The following HELZ2 variants were observed in gnomAD, a reference collection of about 807,000 sequenced individuals.
HELZ2 encodes the protein 3'-5' exoribonuclease HELZ2.
HELZ2 carries 143 observed loss-of-function variants against 208.8 expected under a neutral mutation model. That is an observed-to-expected ratio of 0.68 (90% CI 0.60 to 0.79). The LOEUF (loss-of-function observed/expected upper bound fraction) is 0.79. Among genes scored for constraint, HELZ2 ranks in the 30% least tolerant of loss-of-function variants. The pLI, the probability that HELZ2 is intolerant of heterozygous loss-of-function variation, is 0.00. For synonymous variants in HELZ2, 1,705 were observed against 1,693.7 expected, an observed-to-expected ratio of 1.01 and a Z score of -0.16; for missense variants, 3,690 against 3,794.5, an observed-to-expected ratio of 0.97 and a Z score of 0.72.
At chr20:63,564,579 C>T (rs946563115) in exon 8 of HELZ2, 68 of 1,568,002 alleles carry the variant, frequency 4.3e-5, no homozygotes, top group Non-Finnish European at 5.4e-5. Flanking sequence ...AGGCTGAGGA[C>T]GTCCTGGCAG....
Position 63,566,838 on chromosome 20 carries a change from G to T in HELZ2, c.2514+6C>A. 1 of 1,586,942 alleles carries T rather than the reference G, an allele frequency of 6.3e-7. No homozygotes were observed. Among genetic ancestry groups the T allele is most frequent in the South Asian group, 1.1e-5 (1 of 89,392 alleles). On this transcript the variant is annotated splice_donor_region_variant and intron_variant, in intron 6 of 18. Transcript: ENST00000467148. ...TCGGGGGCTGTCCCGGGCTGGCCGG[G>T]CTCACCTGGGCACCGTGGGAAACGA... is the stretch of plus-strand genomic sequence containing the variant.
At position 63,561,985 on chromosome 20, in the gene HELZ2, C is replaced by T. The variant is rs2146008104; in HGVS notation, c.6530-1G>A. Reference sequence around the variant, plus strand: ...AGGCCCACGATCGTCTTCCCTGTACCTGCAGCCAGAGAATAGGAGATTGTA... The same window carrying T: ...AGGCCCACGATCGTCTTCCCTGTACTTGCAGCCAGAGAATAGGAGATTGTA... On this transcript the variant is annotated splice_acceptor_variant, in intron 10 of 18. Transcript: ENST00000467148. LOFTEE classifies it high-confidence loss of function. The T allele has an allele frequency of 1.3e-6, 2 of 1,592,858 alleles. No individual in the cohort carries two copies. The highest frequency in any genetic ancestry group is 1.7e-6 in the Non-Finnish European group (2 of 1,166,698).
chr20:63,563,238 C>T, exon 8 of HELZ2: 10 of 1,560,556 alleles, frequency 6.4e-6, no homozygotes, highest in African/African-American at 1.3e-5. Flanking sequence ...CTCCGCTGCA[C>T]CTGCACCAGC....
rs755278723 is a variant in HELZ2 at position 63,564,225 on chromosome 20, T to C, written c.4597A>G (p.Asn1533Asp). The change falls in exon 8 of 19, where the codon AAT becomes GAT. Residue 1533 changes from asparagine to aspartate, a missense_variant. This residue lies in a region of HELZ2 where 2,564 missense variants were observed against 2,580.5 expected (regional missense o/e 0.99). Coordinates refer to ENST00000467148, the Ensembl canonical transcript of HELZ2. ...ACCAGGAACTCAGCCACGAGCCTAT[T>C]AAACTGAATCATGTACTCCTTCACC... 22 of 1,611,912 alleles carry C rather than the reference T, an allele frequency of 1.4e-5. No individual in the cohort carries two copies. The South Asian group carries it at 2.4e-4, about 18-fold the overall frequency.
exon 5 of HELZ2, chr20:63,568,530 C>G (rs2082986861): frequency 6.3e-7 from 1 of 1,582,926 alleles, no homozygotes; most frequent in Non-Finnish European, 8.6e-7. Context: ...ACGGCCAGCT[C>G]CTGCTTGCGG....
exon 4 of HELZ2, chr20:63,569,290 C>T: frequency 6.4e-7 from 1 of 1,573,066 alleles, no homozygotes; most frequent in Non-Finnish European, 8.6e-7. Context: ...TTGTACTTGG[C>T]CATCAGGGCC....
chr20:63,567,762 C>T (rs1832530789), intron 5 of HELZ2, 135 bp from the exon 7 acceptor site: 1 of 1,460,588 alleles, frequency 6.8e-7, no homozygotes, highest in Non-Finnish European at 9.0e-7. Flanking sequence ...GCAGCAAACA[C>T]TGGTGTCCCT....
exon 8 of HELZ2, chr20:63,565,362 G>A (rs986519979): frequency 1.6e-5 from 25 of 1,606,896 alleles, no homozygotes; most frequent in Non-Finnish European, 5.1e-6. Flanking sequence ...ACCTGGATGG[G>A]GCCCGAGGAG....
At chr20:63,570,425 G>T in intron 3 of HELZ2, 79 bp downstream of exon 4, 1 of 1,151,380 alleles carries the variant, frequency 8.7e-7, no homozygotes, top group Non-Finnish European at 1.3e-6. Flanking sequence ...CCATGACCCA[G>T]GCTGTTGACG....
chr20:63,573,643 A>G (rs1038830955), upstream of HELZ2, among the ~76,000 whole-genome samples: 1 of 151,892 alleles, frequency 6.6e-6, no homozygotes, highest in Admixed American at 6.6e-5. This position sits in a 1 kb window ranked among gnomAD's most constrained non-coding sequence, Gnocchi z 4.9. Context: ...AGGACACAGC[A>G]CCTCCTTTTC....
chr20:63,558,419 C>G (rs896767309), downstream of HELZ2: 5 of 152,392 alleles, frequency 3.3e-5, no homozygotes, highest in African/African-American at 4.8e-5. Context: ...TTTGGGCTGC[C>G]CTCCAGCAGC....
chr20:63,570,280 A>G, intron 3 of HELZ2: 2 of 684,242 alleles, frequency 2.9e-6, no homozygotes. Flanking sequence ...TTTAACCCAT[A>G]TACTCCATAG....
chr20:63,565,444 G>C (rs766083997), exon 8 of HELZ2: 101 of 1,609,724 alleles, frequency 6.3e-5, no homozygotes, highest in Non-Finnish European at 8.4e-5. Context: ...GGTACCGCTC[G>C]GGCTCCGCGT....
At position 63,572,098 on chromosome 20, in the gene HELZ2, G is replaced by C. The variant is rs373965657; in HGVS notation, c.278+10C>G. On this transcript the variant is annotated intron_variant, in intron 1 of 18. Transcript: ENST00000467148. ...GCCCTACTCCAAGCTCCTGCCTCGA[G>C]TATCCTTACTTTGGGCAGAGCTCGA... 20 of 1,601,848 alleles carry C rather than the reference G, an allele frequency of 1.2e-5. No homozygotes were observed. The highest frequency in any genetic ancestry group is 2.7e-5 in the African/African-American group (2 of 74,798).
At position 63,564,461 on chromosome 20, in the gene HELZ2, C is replaced by T. The variant is rs201300001; in HGVS notation, c.4361G>A (p.Arg1454His). Residue 1454 changes from arginine (R) to histidine (H), a missense_variant, in exon 8 of 19, where the codon CGC (arginine) becomes CAC (histidine). Around this residue, in one of 3 missense-constraint regions of HELZ2, gnomAD observed 2,564 missense variants for 2,580.5 expected, o/e 0.99. Coordinates refer to ENST00000467148, the Ensembl canonical transcript of HELZ2. The stretch of plus-strand genomic sequence containing the variant: ...CTCCGCCTCCTCGTAGGACAGCTGG[C>T]GGTCAGACTGGACCACGGAGGGTGC... 1,609 of 1,575,184 alleles carry T rather than the reference C, an allele frequency of 1.0e-3. 1 individual carries two copies. Among genetic ancestry groups the T allele is most frequent in the Admixed American group, 1.4e-3 (75 of 55,158 alleles).
At position 63,562,481 on chromosome 20, in the gene HELZ2, G is replaced by A. The variant is rs537167246; in HGVS notation, c.6302+39C>T. On this transcript the variant is annotated intron_variant, in intron 8 of 18. Transcript: ENST00000467148. ...CTCCTGCAAGTGAGGGGCCCGGGGC[G>A]GTCCCCCAGCCCAGCCTCTGCTGGT... The A allele has an allele frequency of 1.0e-5, 16 of 1,530,284 alleles. No individual in the cohort carries two copies. In the South Asian group the frequency reaches 1.2e-4, roughly 11 times the overall value. 94.8% of individuals were successfully genotyped at this position (1,530,284 alleles called of 1,614,324 possible). A position where few individuals can be genotyped will look rare whatever the true frequency, so the allele number is the denominator to read the frequency against.
chr20:63,564,553 G>T (rs2082927349), exon 8 of HELZ2: 1 of 1,569,574 alleles, frequency 6.4e-7, no homozygotes, highest in Non-Finnish European at 8.6e-7. Context: ...TGGCCAGGCG[G>T]TCCCGGCCAG....
chr20:63,559,698 G>C (rs1600964206), intron 18 of HELZ2, among the ~76,000 whole-genome samples: 4 of 92,740 alleles, frequency 4.3e-5, no homozygotes, highest in Admixed American at 9.1e-5. Context: ...CAGGTGGGAG[G>C]AGTCAGGGTC....
Position 63,562,626 on chromosome 20 carries a change from C to G in HELZ2, c.6196G>C (p.Val2066Leu), listed in dbSNP as rs1318848057. The stretch of plus-strand genomic sequence containing the variant: ...CCCATGTGGTGGACGAAGAGGTGCA[C>G]CCGTCTGGGAGCCTCCTGCCGGTCT... The change falls in exon 8 of 19, where the codon GTG becomes CTG. Residue 2066 changes from valine to leucine, a missense_variant. Val to Leu is a conservative substitution (Grantham distance 32, BLOSUM62 1). Transcript: ENST00000467148. 2.5e-6 allele frequency: 4 copies of G among 1,591,720 alleles called. No individual in the cohort carries two copies. Among genetic ancestry groups the G allele is most frequent in the Non-Finnish European group, 3.4e-6 (4 of 1,170,142 alleles).
Sources: allele counts gnomAD v4.1 joint callset (sites outside exome capture counted in the v4.1 genomes callset), GRCh38; gene constraint gnomAD v4.1.1; regional missense constraint gnomAD v4.1.1; non-coding constraint Gnocchi (gnomAD v3.1); transcripts MANE v1.5; gene names NCBI Gene and HGNC (gene_info 2026-07-23, HGNC 2026-07-21).